CFAP74: variants seen among roughly 807,000 people sequenced by gnomAD.
The protein encoded by CFAP74 is cilia- and flagella-associated protein 74.
A neutral mutation model predicts 188.9 loss-of-function variants in CFAP74; 124 were observed. That is an observed-to-expected ratio of 0.66 (90% CI 0.57 to 0.76). The LOEUF (loss-of-function observed/expected upper bound fraction) is 0.76. Ranked by LOEUF, CFAP74 falls within the 30% of genes least tolerant of loss-of-function variation. The pLI is 0.00. For missense variants in CFAP74, 2,198 were observed against 2,165.2 expected (o/e 1.02, Z -0.30); for synonymous variants, 956 against 916.7 (o/e 1.04, Z -0.77).
Position 1,927,695 on chromosome 1 carries a change from A to T in CFAP74, c.3439T>A (p.Ser1147Thr), listed in dbSNP as rs1276297321. ...TCGCGGTTCTGTGCTCGAAGAACGGAGAATGACAGTCCATGCAGGTCCTTC... is the reference window on the plus strand; with the variant it reads ...TCGCGGTTCTGTGCTCGAAGAACGGTGAATGACAGTCCATGCAGGTCCTTC... ...QRKDLHGLSF[S>T]VLRAQNRDKL... is the part of the protein sequence containing the mutation. Residue 1147 changes from serine to threonine, a missense_variant, in exon 28 of 39, where the codon TCC (serine) becomes ACC (threonine). Transcript: ENST00000682832. 2 of 1,550,184 alleles carry T rather than the reference A, an allele frequency of 1.3e-6. No individual in the cohort carries two copies.
Position 1,973,061 on chromosome 1 carries a change from G to C in CFAP74, c.675-14C>G, listed in dbSNP as rs1455054367. On this transcript the variant is annotated splice_polypyrimidine_tract_variant and intron_variant, in intron 7 of 38. Transcript: ENST00000682832. The surrounding 1 kb of genome is among the most constrained non-coding windows in gnomAD (Gnocchi z 6.2). ...TTCAGGGACTTCCTGTGGGGATATG[G>C]GGCCGTCAGAGGGAAACTCGGCATC... 6.3e-7 allele frequency: 1 copy of C among 1,594,674 alleles called. No homozygotes were observed.
At chr1:1,932,092 AAC>A (rs1652448504) in intron 25 of CFAP74, among the ~76,000 whole-genome samples, 2 of 140,858 alleles carry the variant, frequency 1.4e-5, no homozygotes, top group African/African-American at 2.6e-5. Flanking sequence ...AAAAACAAAA[AAC>A]AAAAAACTTA....
At chr1:1,940,787 T>A (rs577852670) in intron 22 of CFAP74, among the ~76,000 whole-genome samples, 2 of 152,238 alleles carry the variant, frequency 1.3e-5, no homozygotes, top group African/African-American at 2.4e-5. Context: ...GAGCTTGATC[T>A]CTGATTACAT....
At chr1:1,967,038 A>G (rs954641386) in intron 11 of CFAP74, among the ~76,000 whole-genome samples, 1 of 152,032 alleles carries the variant, frequency 6.6e-6, no homozygotes, top group Admixed American at 6.6e-5. Flanking sequence ...GGGTTTCACT[A>G]TGTTGGCCAG....
intron 26 of CFAP74, among the ~76,000 whole-genome samples, chr1:1,929,430 A>G: frequency 1.1e-5 from 1 of 92,604 alleles, no homozygotes; most frequent in South Asian, 3.5e-4. Flanking sequence ...GAGCGAGGGG[A>G]GAGGGTAGGG....
At chr1:1,933,696 G>A (rs1201908368) in intron 25 of CFAP74, among the ~76,000 whole-genome samples, 1 of 152,094 alleles carries the variant, frequency 6.6e-6, no homozygotes, top group Non-Finnish European at 1.5e-5. Flanking sequence ...GTCTTGCTGG[G>A]GGTAATGAAT....
At chr1:1,978,570 A>G (rs1656595326) in intron 6 of CFAP74, among the ~76,000 whole-genome samples, 1 of 151,848 alleles carries the variant, frequency 6.6e-6, no homozygotes, top group South Asian at 2.1e-4. Context: ...GACAGATGGG[A>G]CCTGGCTGGT....
rs372700636 is a variant in CFAP74 at position 1,968,699 on chromosome 1, T to A, written c.1181A>T (p.Lys394Met). 5 of 1,614,014 alleles carry A rather than the reference T, an allele frequency of 3.1e-6. No homozygotes were observed. In the African/African-American group the frequency reaches 6.7e-5, roughly 22 times the overall value. The change falls in exon 11 of 39, where the codon AAG becomes ATG. Residue 394 changes from lysine (K) to methionine (M), a missense_variant. Lys to Met is a moderately conservative substitution (Grantham distance 95). Transcript: ENST00000682832. This position sits in a 1 kb window ranked among gnomAD's most constrained non-coding sequence, Gnocchi z 4.3. ...AAAGTCAGAAATGTAGTTCCAGGTC[T>A]TGTCCCTCAGGGTCAGCCGGTGCCT... ...SARHRLTLRD[K>M]TWNYISDFCK...
intron 2 of CFAP74, among the ~76,000 whole-genome samples, chr1:1,989,270 G>C (rs911818108): frequency 2.6e-5 from 4 of 152,230 alleles, no homozygotes; most frequent in African/African-American, 9.6e-5. Context: ...TGCTGACCCT[G>C]AAGTCAAGGG....
chr1:1,992,131 G>C (rs947284202), intron 1 of CFAP74, among the ~76,000 whole-genome samples: 6 of 152,124 alleles, frequency 3.9e-5, no homozygotes, highest in African/African-American at 1.4e-4. Context: ...GTTGCTGGTG[G>C]GAGTGTAAAG....
chr1:1,925,508 C>T (rs1231591964), intron 33 of CFAP74, among the ~76,000 whole-genome samples: 1 of 151,604 alleles, frequency 6.6e-6, no homozygotes, highest in East Asian at 1.9e-4. Context: ...GAGCTCTGTG[C>T]AGGGGCTGAG....
At chr1:1,972,435 G>C (rs186856440) in intron 8 of CFAP74, among the ~76,000 whole-genome samples, 173 of 152,380 alleles carry the variant, frequency 1.1e-3, no homozygotes, top group Non-Finnish European at 1.9e-3. Context: ...GCCAGGCCAC[G>C]AGGACATGGC....
At chr1:1,999,418 G>C (rs558304896) in intron 1 of CFAP74, among the ~76,000 whole-genome samples, 1 of 152,276 alleles carries the variant, frequency 6.6e-6, no homozygotes, top group African/African-American at 2.4e-5. Flanking sequence ...GGAGTCGATG[G>C]GGGGTGGGAA....
intron 38 of CFAP74, 80 bp from the exon 39 acceptor site, chr1:1,922,468 C>G: frequency 5.2e-6 from 8 of 1,538,240 alleles, no homozygotes; most frequent in Non-Finnish European, 6.2e-6. Flanking sequence ...CACTGCCCTG[C>G]CCACCTGACT....
intron 18 of CFAP74, 37 bp downstream of exon 18, chr1:1,955,653 GC>G (rs1654561161): frequency 2.2e-6 from 2 of 914,732 alleles, no homozygotes; most frequent in African/African-American, 3.6e-5. Flanking sequence ...GGCCCTCACC[GC>G]CCGCCCACCC....
intron 6 of CFAP74, among the ~76,000 whole-genome samples, chr1:1,976,645 C>T (rs1396664937): frequency 2.6e-5 from 4 of 152,202 alleles, no homozygotes; most frequent in Non-Finnish European, 5.9e-5. Context: ...CGGGTTCAAG[C>T]AATTCTCCCG....
In CFAP74 at chr1:1,975,504, C is replaced by T. The variant is rs1374286048; in HGVS notation, c.501-1306G>A. Reference sequence around the variant, plus strand: ...AGATCGGGTTCTACTTTCCCTCTCTCGTACGCCCACTTGGTTTTGGCATCG... The same window carrying T: ...AGATCGGGTTCTACTTTCCCTCTCTTGTACGCCCACTTGGTTTTGGCATCG... On this transcript the variant is annotated intron_variant, in intron 6 of 38. Coordinates refer to ENST00000682832, the MANE Select transcript of CFAP74 (RefSeq NM_001304360.2). The surrounding 1 kb of genome is among the most constrained non-coding windows in gnomAD (Gnocchi z 4.5). 2.6e-5 allele frequency among the ~76,000 whole-genome samples: 4 copies of T among 152,096 alleles called. No homozygotes were observed. The South Asian group carries it at 6.2e-4, about 24-fold the overall frequency.
chr1:1,962,599 A>C (rs1655172280), intron 14 of CFAP74, among the ~76,000 whole-genome samples: 1 of 151,408 alleles, frequency 6.6e-6, no homozygotes, highest in Non-Finnish European at 1.5e-5. Context: ...AAAAGAAGAA[A>C]ATGGGCCAGG....
intron 2 of CFAP74, 49 bp downstream of exon 2, chr1:1,990,841 G>A (rs1488695939): frequency 6.9e-7 from 1 of 1,451,830 alleles, no homozygotes; most frequent in South Asian, 1.2e-5. Context: ...CATGTCATTT[G>A]TTTGTCTTTT....
Sources: gnomAD v4.1 joint callset for allele counts (sites outside exome capture counted in the v4.1 genomes callset) on GRCh38, gnomAD v4.1.1 for gene constraint, Gnocchi (gnomAD v3.1) non-coding constraint, MANE v1.5 for transcripts, NCBI Gene and HGNC (gene_info 2026-07-23, HGNC 2026-07-21) for gene names.